The following CNTNAP4 variants were observed in gnomAD, a reference collection of about 807,000 sequenced individuals.
The protein encoded by CNTNAP4 is contactin associated protein family member 4.
A neutral mutation model predicts 148.4 loss-of-function variants in CNTNAP4; 98 were observed. The observed-to-expected ratio is 0.66, with a 90% confidence interval of 0.56 to 0.78. The LOEUF is 0.78. CNTNAP4 is among the 30% of genes least tolerant of loss of function. The pLI is 0.00. For missense variants in CNTNAP4, 1,935 were observed against 1,565.6 expected (o/e 1.24, Z -3.98); for synonymous variants, 730 against 565.1 (o/e 1.29, Z -4.14).
chr16:76,331,818 C>A (rs1005201804), intron 2 of CNTNAP4, among the ~76,000 whole-genome samples: 10 of 152,156 alleles, frequency 6.6e-5, no homozygotes, highest in African/African-American at 2.4e-4. Context: ...ATACAGTGTT[C>A]TTTACGTGGC....
chr16:76,534,443 C>T (rs1338037043), intron 17 of CNTNAP4, among the ~76,000 whole-genome samples: 1 of 152,148 alleles, frequency 6.6e-6, no homozygotes, highest in Non-Finnish European at 1.5e-5. Context: ...GATGGAGCTT[C>T]TTTTTAGAGG....
chr16:76,521,394 T>C (rs1255307115), intron 16 of CNTNAP4, 84 bp downstream of exon 16: 1 of 1,080,950 alleles, frequency 9.3e-7, no homozygotes, highest in Non-Finnish European at 1.3e-6. Flanking sequence ...TACTCATGTG[T>C]CTACTTTATC....
intron 3 of CNTNAP4, among the ~76,000 whole-genome samples, chr16:76,403,457 A>T (rs2144858677): frequency 6.6e-6 from 1 of 152,342 alleles, no homozygotes; most frequent in Non-Finnish European, 1.5e-5. Flanking sequence ...TCCCAATATC[A>T]CTGATCATTA....
At chr16:76,471,281 G>T (rs1388598996) in intron 10 of CNTNAP4, among the ~76,000 whole-genome samples, 2 of 152,112 alleles carry the variant, frequency 1.3e-5, no homozygotes, top group African/African-American at 4.8e-5. Context: ...AATGTGAGTG[G>T]GGCTGGGGCA....
intron 17 of CNTNAP4, among the ~76,000 whole-genome samples, chr16:76,531,670 A>C (rs73621236): frequency 0.067 from 10,242 of 152,216 alleles, 627 homozygotes; most frequent in East Asian, 0.27. Flanking sequence ...CTGAAAAGGC[A>C]CTGGAATCTT....
At chr16:76,324,492 A>G (rs1042402686) in intron 2 of CNTNAP4, among the ~76,000 whole-genome samples, 26 of 152,188 alleles carry the variant, frequency 1.7e-4, no homozygotes, top group African/African-American at 6.0e-4. Flanking sequence ...AAAACAGAGC[A>G]TGGGGGAAGC....
chr16:76,320,930 A>C (rs4888492), intron 2 of CNTNAP4, among the ~76,000 whole-genome samples: 126,163 of 152,154 alleles, frequency 0.83, 52,901 homozygotes, highest in African/African-American at 0.94. Context: ...TGAGTAGAAA[A>C]ATACATATGT....
At chr16:76,393,079 T>C (rs1506837) in intron 3 of CNTNAP4, among the ~76,000 whole-genome samples, 58,312 of 152,094 alleles carry the variant, frequency 0.38, 11,770 homozygotes, top group Middle Eastern at 0.5. Context: ...TTTCCTCTGT[T>C]TTTCTGAACA....
intron 1 of CNTNAP4, among the ~76,000 whole-genome samples, chr16:76,280,600 T>C (rs1567563785): frequency 6.6e-6 from 1 of 152,114 alleles, no homozygotes; most frequent in Non-Finnish European, 1.5e-5. Context: ...TGTCTGACAT[T>C]TCAAAAGCAG....
Position 76,452,567 on chromosome 16 carries a change from C to T in CNTNAP4, c.1131C>T (p.Ser377=). ...PQSMPVTFLS[S]RSYLALPDFS... ...CTATGCCCGTGACTTTTCTGAGCTC[C>T]AGGAGTTATTTAGCACTGCCAGACT... is the stretch of plus-strand genomic sequence containing the variant. Residue 377 remains serine, a synonymous_variant, in exon 8 of 24, where the codon TCC becomes TCT. Coordinates refer to ENST00000611870, the MANE Select transcript of CNTNAP4 (RefSeq NM_033401.5). 6.2e-7 allele frequency: 1 copy of T among 1,613,948 alleles called. No individual in the cohort carries two copies. The highest frequency in any genetic ancestry group is 8.5e-7 in the Non-Finnish European group (1 of 1,179,888).
intron 3 of CNTNAP4, among the ~76,000 whole-genome samples, chr16:76,397,865 T>C (rs1406047437): frequency 7.0e-6 from 1 of 143,490 alleles, no homozygotes; most frequent in African/African-American, 2.6e-5. Context: ...TTAGAATTCA[T>C]GGACTGCCTA....
intron 2 of CNTNAP4, among the ~76,000 whole-genome samples, chr16:76,330,599 A>G (rs1597215922): frequency 6.6e-6 from 1 of 152,224 alleles, no homozygotes; most frequent in African/African-American, 2.4e-5. Flanking sequence ...ACATTTTACA[A>G]ATTAAACTGG....
At chr16:76,461,012 G>C (rs901536987) in intron 8 of CNTNAP4, among the ~76,000 whole-genome samples, 1 of 151,488 alleles carries the variant, frequency 6.6e-6, no homozygotes, top group Admixed American at 6.6e-5. Flanking sequence ...GTCTGCTTTA[G>C]TATAATGTTG....
At chr16:76,453,553 T>A (rs2080603776) in intron 8 of CNTNAP4, among the ~76,000 whole-genome samples, 1 of 152,308 alleles carries the variant, frequency 6.6e-6, no homozygotes, top group Non-Finnish European at 1.5e-5. Flanking sequence ...AGAGGTTGCC[T>A]TGGGGTAAAT....
intron 1 of CNTNAP4, among the ~76,000 whole-genome samples, chr16:76,307,603 G>T (rs1960632260): frequency 7.1e-6 from 1 of 141,358 alleles, no homozygotes. Flanking sequence ...TATCAAATTA[G>T]GTGACATGGC....
intron 8 of CNTNAP4, among the ~76,000 whole-genome samples, chr16:76,460,233 C>T (rs1366016213): frequency 6.6e-6 from 1 of 151,874 alleles, no homozygotes; most frequent in East Asian, 2.0e-4. Flanking sequence ...TCAGCCTCCC[C>T]AGTAGCTGGG....
rs769260762 is a variant in CNTNAP4, at chr16:76,538,316, C to T, written c.3196C>T (p.Leu1066Phe). 4.4e-6 allele frequency: 7 copies of T among 1,603,300 alleles called. No homozygotes were observed. The highest frequency in any genetic ancestry group is 1.7e-4 in the Middle Eastern group (1 of 6,060). ...TGTGAGCTCCTTTTACAAAGAATACCTTTCTGTGATCATTGCCAAAAATGG... is the reference window on the plus strand; with the variant it reads ...TGTGAGCTCCTTTTACAAAGAATACTTTTCTGTGATCATTGCCAAAAATGG... ...LFVSSFYKEY[L>F]SVIIAKNGSL... The change falls in exon 19 of 24, where the codon CTT (leucine) becomes TTT (phenylalanine). Residue 1066 changes from leucine to phenylalanine, a missense_variant. Coordinates refer to ENST00000611870, the MANE Select transcript of CNTNAP4 (RefSeq NM_033401.5).
At chr16:76,460,773 A>AAAAAAAAAAAATAT in intron 8 of CNTNAP4, among the ~76,000 whole-genome samples, 1 of 57,328 alleles carries the variant, frequency 1.7e-5, no homozygotes. Flanking sequence ...AAAAAAAAAA[A>AAAAAAAAAAAATAT]ATATATATAT....
intron 3 of CNTNAP4, among the ~76,000 whole-genome samples, chr16:76,378,806 C>T (rs551163138): frequency 3.3e-5 from 5 of 152,268 alleles, no homozygotes; most frequent in South Asian, 4.1e-4. Flanking sequence ...GGAGAAAACC[C>T]GGCCCAGCTG....
Sources: allele counts gnomAD v4.1 joint callset (sites outside exome capture counted in the v4.1 genomes callset), GRCh38; gene constraint gnomAD v4.1.1; transcripts MANE v1.5; gene names NCBI Gene and HGNC (gene_info 2026-07-23, HGNC 2026-07-21).